ASCC1: variants seen among roughly 807,000 people sequenced by gnomAD.
ASCC1 encodes the protein ASC-1 complex subunit P50.
Under a neutral mutation model 46.6 loss-of-function variants are expected in ASCC1, and 35 were observed. That is an observed-to-expected ratio of 0.75 (90% confidence interval 0.57 to 0.99). The LOEUF (loss-of-function observed/expected upper bound fraction) is 0.99. ASCC1 is among the 50% of genes least tolerant of loss of function. ASCC1 has a pLI of 0.00. For missense variants in ASCC1, 376 were observed against 428.7 expected, an observed-to-expected ratio of 0.88 and a Z score of 1.09; for synonymous variants, 143 against 146.6, an observed-to-expected ratio of 0.98 and a Z score of 0.18.
rs764901229 is a variant in ASCC1, at chr10:72,197,035, G to T, written c.311-46C>A. The stretch of plus-strand genomic sequence containing the variant: ...GTAAACTGCTCAAGGACCCCCAAAT[G>T]CTTATAAAACAGGACCTCTTGATAC... On this transcript the variant is annotated intron_variant, in intron 4 of 9. Coordinates refer to ENST00000672957, the MANE Select transcript of ASCC1 (RefSeq NM_001198800.3). 3.1e-6 allele frequency: 5 copies of T among 1,600,972 alleles called. No homozygotes were observed. The African/African-American group carries it at 6.7e-5, about 21-fold the overall frequency.
chr10:72,151,576 C>T (rs1848331466), intron 7 of ASCC1, among the ~76,000 whole-genome samples: 1 of 152,034 alleles, frequency 6.6e-6, no homozygotes, highest in Non-Finnish European at 1.5e-5. Flanking sequence ...CACATGTACC[C>T]TAGAACTTAA....
chr10:72,214,965 A>G (rs1372630909), intron 1 of ASCC1, among the ~76,000 whole-genome samples: 1 of 152,244 alleles, frequency 6.6e-6, no homozygotes. Flanking sequence ...TAATGAATCA[A>G]TAATTTAGGA....
chr10:72,170,660 A>G (rs974365150), intron 5 of ASCC1, among the ~76,000 whole-genome samples: 1 of 152,018 alleles, frequency 6.6e-6, no homozygotes, highest in Non-Finnish European at 1.5e-5. Flanking sequence ...TCCAGATTCA[A>G]GGAGGCTAGA....
chr10:72,171,295 G>A (rs1851046586), intron 5 of ASCC1, among the ~76,000 whole-genome samples: 1 of 152,160 alleles, frequency 6.6e-6, no homozygotes, highest in African/African-American at 2.4e-5. Flanking sequence ...CCTTGCGGAG[G>A]CTCCAGGGCA....
chr10:72,188,905 T>A (rs963598358), intron 5 of ASCC1, among the ~76,000 whole-genome samples: 2 of 152,070 alleles, frequency 1.3e-5, no homozygotes, highest in African/African-American at 4.8e-5. Context: ...TACAGATATG[T>A]GCCACCACTG....
intron 9 of ASCC1, among the ~76,000 whole-genome samples, chr10:72,105,694 T>C (rs1842272009): frequency 6.6e-6 from 1 of 152,152 alleles, no homozygotes; most frequent in Non-Finnish European, 1.5e-5. Flanking sequence ...TACATGTTTC[T>C]TTCCTAGGGA....
intron 5 of ASCC1, among the ~76,000 whole-genome samples, chr10:72,196,403 C>A (rs1277359054): frequency 6.6e-6 from 1 of 151,992 alleles, no homozygotes; most frequent in Non-Finnish European, 1.5e-5. Flanking sequence ...CTCAGCCTCC[C>A]AAGTAACTGG....
chr10:72,209,665 T>G (rs937165051), intron 3 of ASCC1, among the ~76,000 whole-genome samples: 26 of 152,056 alleles, frequency 1.7e-4, no homozygotes, highest in African/African-American at 6.3e-4. Flanking sequence ...GCACCTATTA[T>G]CCCAGCTACT....
At chr10:72,162,638 C>T (rs1849838163) in intron 5 of ASCC1, among the ~76,000 whole-genome samples, 1 of 151,916 alleles carries the variant, frequency 6.6e-6, no homozygotes, top group Non-Finnish European at 1.5e-5. Flanking sequence ...CCCAGTAGAA[C>T]CCAATTTTAA....
chr10:72,200,230 G>T (rs1182929610), intron 4 of ASCC1, among the ~76,000 whole-genome samples: 1 of 151,936 alleles, frequency 6.6e-6, no homozygotes, highest in African/African-American at 2.4e-5. Context: ...GAAAAAATGG[G>T]GAACATATAA....
chr10:72,203,343 G>T, intron 4 of ASCC1, 84 bp downstream of exon 4: 1 of 981,060 alleles, frequency 1.0e-6, no homozygotes. Context: ...AGAAAACATA[G>T]TTACTAAACA....
chr10:72,184,753 G>A (rs1293981407), intron 5 of ASCC1, among the ~76,000 whole-genome samples: 1 of 149,344 alleles, frequency 6.7e-6, no homozygotes, highest in African/African-American at 2.5e-5. Flanking sequence ...CAAGATCACG[G>A]CACTTCAGCC....
At chr10:72,149,354 C>T (rs896961999) in intron 7 of ASCC1, among the ~76,000 whole-genome samples, 3 of 137,760 alleles carry the variant, frequency 2.2e-5, no homozygotes, top group Non-Finnish European at 4.5e-5. Flanking sequence ...AGGAGAATGG[C>T]GTGAACCCGG....
chr10:72,135,078 G>T (rs555290295), intron 7 of ASCC1, among the ~76,000 whole-genome samples: 3 of 152,304 alleles, frequency 2.0e-5, no homozygotes, highest in African/African-American at 4.8e-5. Context: ...GGCTGTGTGT[G>T]TTTTCAATGA....
intron 7 of ASCC1, among the ~76,000 whole-genome samples, chr10:72,140,790 T>C (rs1299689446): frequency 6.6e-6 from 1 of 152,196 alleles, no homozygotes; most frequent in Non-Finnish European, 1.5e-5. Flanking sequence ...AAACTATGTA[T>C]AGTGATGCAG....
intron 7 of ASCC1, among the ~76,000 whole-genome samples, chr10:72,135,157 T>G (rs946108213): frequency 1.3e-5 from 2 of 151,938 alleles, no homozygotes; most frequent in African/African-American, 4.8e-5. Flanking sequence ...AACCAGGCAA[T>G]AGGGGAAATG....
At chr10:72,136,786 G>A (rs1443458311) in intron 7 of ASCC1, among the ~76,000 whole-genome samples, 2 of 152,148 alleles carry the variant, frequency 1.3e-5, no homozygotes, top group Admixed American at 6.5e-5. Context: ...AAGTCAGCAA[G>A]ACCATGAACC....
chr10:72,129,134 C>A (rs2132246869), intron 8 of ASCC1, among the ~76,000 whole-genome samples: 1 of 152,284 alleles, frequency 6.6e-6, no homozygotes, highest in Non-Finnish European at 1.5e-5. Context: ...ACTGGAGTTG[C>A]ACATGGGTAA....
chr10:72,158,850 A>C (rs79069235), intron 6 of ASCC1: 1 of 152,158 alleles, frequency 6.6e-6, no homozygotes, highest in Non-Finnish European at 1.5e-5. Context: ...TAGAAATGCC[A>C]TTATTTATGG....
Sources: gnomAD v4.1 joint callset for allele counts (sites outside exome capture counted in the v4.1 genomes callset) on GRCh38, gnomAD v4.1.1 for gene constraint, MANE v1.5 for transcripts, NCBI Gene and HGNC (gene_info 2026-07-23, HGNC 2026-07-21) for gene names.